The following SYTL2 variants were observed in gnomAD, a reference collection of about 807,000 sequenced individuals.
SYTL2 encodes synaptotagmin like 2.
In SYTL2, 165 loss-of-function variants were observed where a neutral mutation model predicts 198.7. The ratio of observed to expected loss-of-function variants is 0.83; its 90% confidence interval spans 0.73 to 0.94. The LOEUF (loss-of-function observed/expected upper bound fraction) is 0.94. Ranked by LOEUF, SYTL2 falls within the 40% of genes least tolerant of loss-of-function variation. The pLI, the probability that SYTL2 is intolerant of heterozygous loss-of-function variation, is 0.00. For missense variants in SYTL2, 2,835 were observed against 2,582.8 expected (o/e 1.10, Z -2.12); for synonymous variants, 966 against 917.7 (o/e 1.05, Z -0.95).
chr11:85,755,024 C>CA (rs977344915), intron 2 of SYTL2, among the ~76,000 whole-genome samples: 1 of 150,842 alleles, frequency 6.6e-6, no homozygotes, highest in African/African-American at 2.4e-5. Context: ...GGAACAACAA[C>CA]AAAAAAAAAT....
the SYTL2 span, among the ~76,000 whole-genome samples, chr11:85,844,341 T>C: frequency 6.6e-6 from 1 of 152,122 alleles, no homozygotes; most frequent in Non-Finnish European, 1.5e-5. Context: ...TTCACAACCT[T>C]ATTATTCCCT....
In SYTL2 at chr11:85,745,617, C is replaced by T. The variant is rs746595284; in HGVS notation, c.389+20G>A. The T allele has an allele frequency of 6.2e-7, 1 of 1,608,334 alleles. No individual in the cohort carries two copies. The highest frequency in any genetic ancestry group is 1.1e-5 in the South Asian group (1 of 90,608). The stretch of plus-strand genomic sequence containing the variant: ...CATGAAAGCCACATGCAGCAGCTCT[C>T]CCCAGAAGCTTTGCCTTACCTCGGG... On this transcript the variant is annotated intron_variant, in intron 4 of 19. Transcript: ENST00000359152.
Position 85,734,330 on chromosome 11 carries a change from C to T in SYTL2, c.999G>A (p.Val333=). ...GCTCATCCTTCACTGCAGAGAATCT[C>T]ACATGCTTTAATGGCTCCAGGGAGT... is the stretch of plus-strand genomic sequence containing the variant. The part of the protein sequence containing the change: ...SPNSLEPLKH[V]RFSAVKDELP... Residue 333 remains valine, a synonymous_variant, in exon 7 of 20, where the codon GTG becomes GTA. Coordinates refer to ENST00000359152, the MANE Select transcript of SYTL2 (RefSeq NM_206927.4). 1.2e-6 allele frequency: 2 copies of T among 1,614,216 alleles called. No individual in the cohort carries two copies. The highest frequency in any genetic ancestry group is 1.7e-5 in the Admixed American group (1 of 60,036).
chr11:85,695,462 G>T, intron 19 of SYTL2, 122 bp from the exon 20 acceptor site: 1 of 700,350 alleles, frequency 1.4e-6, no homozygotes. Context: ...TCACTGGGAG[G>T]GCAGATGTGA....
chr11:85,823,740 G>C, the SYTL2 span, among the ~76,000 whole-genome samples: 1 of 152,168 alleles, frequency 6.6e-6, no homozygotes, highest in Non-Finnish European at 1.5e-5. Context: ...TTTTATACTT[G>C]AGTGGAATAC....
At chr11:85,833,235 A>G in the SYTL2 span, among the ~76,000 whole-genome samples, 1 of 149,776 alleles carries the variant, frequency 6.7e-6, no homozygotes, top group Non-Finnish European at 1.5e-5. Flanking sequence ...ATTATATCAT[A>G]TAACATATTG....
chr11:85,755,517 G>A (rs752691786), intron 2 of SYTL2, among the ~76,000 whole-genome samples: 6 of 152,162 alleles, frequency 3.9e-5, no homozygotes. Flanking sequence ...ACAACAGACA[G>A]AAGGAGTGTC....
the SYTL2 span, among the ~76,000 whole-genome samples, chr11:85,837,347 T>C: frequency 4.6e-5 from 7 of 152,292 alleles, no homozygotes; most frequent in South Asian, 8.3e-4. Flanking sequence ...GCGATCTCTC[T>C]CTTTCTCCAC....
chr11:85,707,457 A>T lies in SYTL2; in HGVS notation c.5990T>A (p.Leu1997Ter). 1.9e-6 allele frequency: 3 copies of T among 1,614,006 alleles called. No individual in the cohort carries two copies. Among genetic ancestry groups the T allele is most frequent in the Non-Finnish European group, 2.5e-6 (3 of 1,179,912 alleles). ...CAGTATTTCGTTATACACAGGATTC[A>T]AGGTTTTCTTCACTACGAGTGTTTT... ...KKKTLVVKKT[L>*]NPVYNEILRY... Residue 1997 changes from leucine (L) to a stop codon, truncating the protein, a stop_gained, in exon 15 of 20, where the codon TTG becomes TAG. Transcript: ENST00000359152. LOFTEE classifies it high-confidence loss of function.
Position 85,724,887 on chromosome 11 carries a change from T to C in SYTL2, c.4471A>G (p.Lys1491Glu), listed in dbSNP as rs2088903127. The C allele has an allele frequency of 4.3e-6, 7 of 1,614,182 alleles. No homozygotes were observed. The South Asian group carries it at 7.7e-5, about 18-fold the overall frequency. ...EIVRETIVQP[K>E]SEFLEFSAGL... Reference sequence around the variant, plus strand: ...GCACTGAATTCGAGGAACTCTGATTTGGGTTGAACAATTGTTTCCCTCACA... The same window carrying C: ...GCACTGAATTCGAGGAACTCTGATTCGGGTTGAACAATTGTTTCCCTCACA... Residue 1491 changes from lysine to glutamate, a missense_variant, in exon 8 of 20, where the codon AAA (lysine) becomes GAA (glutamate). By Grantham distance (56) the Lys-to-Glu change is moderately conservative. Coordinates refer to ENST00000359152, the MANE Select transcript of SYTL2 (RefSeq NM_206927.4).
At chr11:85,842,377 A>G in the SYTL2 span, among the ~76,000 whole-genome samples, 1 of 152,228 alleles carries the variant, frequency 6.6e-6, no homozygotes, top group South Asian at 2.1e-4. Flanking sequence ...ACCATCCTCA[A>G]CTGATGATAA....
At chr11:85,698,792 G>A (rs1245656589) in intron 17 of SYTL2, among the ~76,000 whole-genome samples, 1 of 152,216 alleles carries the variant, frequency 6.6e-6, no homozygotes, top group Admixed American at 6.5e-5. Context: ...ACCAGCCTCA[G>A]CCTCCTAAAG....
intron 4 of SYTL2, among the ~76,000 whole-genome samples, chr11:85,742,333 AAC>A (rs2090857013): frequency 6.6e-6 from 1 of 152,228 alleles, no homozygotes; most frequent in Non-Finnish European, 1.5e-5. Flanking sequence ...GTAAAACCAG[AAC>A]AGACCTAATT....
chr11:85,812,851 C>T (rs498271), upstream of SYTL2, among the ~76,000 whole-genome samples: 3 of 152,122 alleles, frequency 2.0e-5, no homozygotes, highest in Non-Finnish European at 2.9e-5. Context: ...TGGCTGTTGG[C>T]GAATGATTTT....
chr11:85,833,214 C>A, the SYTL2 span, among the ~76,000 whole-genome samples: 1 of 148,476 alleles, frequency 6.7e-6, no homozygotes, highest in Non-Finnish European at 1.5e-5. Flanking sequence ...TGTAAACAAT[C>A]CTTTAAAAAA....
the SYTL2 span, among the ~76,000 whole-genome samples, chr11:85,846,615 T>C: frequency 2.0e-5 from 3 of 151,826 alleles, no homozygotes; most frequent in South Asian, 6.2e-4. Context: ...TTAGTAGAGA[T>C]GCAGTTTCAC....
the SYTL2 span, among the ~76,000 whole-genome samples, chr11:85,833,074 A>G: frequency 5.8e-4 from 26 of 44,918 alleles, no homozygotes; most frequent in Admixed American, 2.1e-3. Context: ...AAAGAAAGAA[A>G]GAAAGAAAGA....
chr11:85,742,204 C>T (rs1486638495), intron 4 of SYTL2, among the ~76,000 whole-genome samples: 2 of 152,190 alleles, frequency 1.3e-5, no homozygotes, highest in Non-Finnish European at 2.9e-5. Flanking sequence ...CAGTCTAGTT[C>T]TCCATCTTGA....
Position 85,794,460 on chromosome 11 carries a change from C to G in SYTL2, c.-390+16494G>C, listed in dbSNP as rs528952798. On this transcript the variant is annotated intron_variant, in intron 1 of 19. Transcript: ENST00000359152. Reference sequence around the variant, plus strand: ...TCCCAAAGTGCTGGGATTACAGTCACGAGCCACCACGCCCAGCCAGTTTTA... The same window carrying G: ...TCCCAAAGTGCTGGGATTACAGTCAGGAGCCACCACGCCCAGCCAGTTTTA... 2.0e-5 allele frequency among the ~76,000 whole-genome samples: 3 copies of G among 152,194 alleles called. No homozygotes were observed. The South Asian group carries it at 6.2e-4, about 32-fold the overall frequency.
Sources: gnomAD v4.1 joint callset for allele counts (sites outside exome capture counted in the v4.1 genomes callset) on GRCh38, gnomAD v4.1.1 for gene constraint, MANE v1.5 for transcripts, NCBI Gene and HGNC (gene_info 2026-07-23, HGNC 2026-07-21) for gene names.